MTMR12: variants seen among roughly 807,000 people sequenced by gnomAD.
MTMR12 encodes the protein myotubularin related protein 12, also known as myotubularin-related protein 12.
In MTMR12, 33 loss-of-function variants were observed where a neutral mutation model predicts 96.7. The observed-to-expected ratio is 0.34, with a 90% CI of 0.26 to 0.46. The LOEUF is 0.46. Among genes scored for constraint, MTMR12 ranks in the 20% least tolerant of loss-of-function variants. The pLI is 1.00. For synonymous variants in MTMR12, 298 were observed against 327.2 expected, an observed-to-expected ratio of 0.91 and a Z score of 0.96; for missense variants, 721 against 896.1, an observed-to-expected ratio of 0.80 and a Z score of 2.49.
At chr5:32,254,127 A>G (rs1195941607) in intron 8 of MTMR12, among the ~76,000 whole-genome samples, 1 of 151,962 alleles carries the variant, frequency 6.6e-6, no homozygotes, top group Admixed American at 6.6e-5. Flanking sequence ...TCTTTTCCAG[A>G]CCCCTCTATG....
chr5:32,234,585 T>C (rs1748132086), intron 14 of MTMR12, among the ~76,000 whole-genome samples: 1 of 152,156 alleles, frequency 6.6e-6, no homozygotes. Context: ...GCTTCAACAC[T>C]TGCTTCCAGT....
intron 6 of MTMR12, 78 bp downstream of exon 6, chr5:32,268,623 G>A: frequency 8.3e-7 from 1 of 1,202,388 alleles, no homozygotes; most frequent in Non-Finnish European, 1.2e-6. Context: ...ACCCATAGAT[G>A]TGTTCTCCCC....
chr5:32,277,030 C>T (rs1294148295), intron 1 of MTMR12, among the ~76,000 whole-genome samples: 20 of 151,782 alleles, frequency 1.3e-4, no homozygotes, highest in Admixed American at 6.6e-5. Flanking sequence ...GGACTACAGG[C>T]GTGTGCCACC....
At chr5:32,261,897 C>G (rs1279784706) in intron 7 of MTMR12, among the ~76,000 whole-genome samples, 1 of 152,128 alleles carries the variant, frequency 6.6e-6, no homozygotes, top group Non-Finnish European at 1.5e-5. Context: ...AGGGTGAAAC[C>G]CTGTCTCTAC....
chr5:32,312,879 G>T lies in MTMR12; in HGVS notation c.-41C>A, dbSNP rs564777018. ...AGCAGCGACGCGCGGACGCAGAGGC[G>T]GCGGCTCGGGCTCCAGCTGGGGCAG... On this transcript the variant is annotated 5_prime_UTR_variant, in exon 1 of 16. Coordinates refer to ENST00000382142, the MANE Select transcript of MTMR12 (RefSeq NM_001040446.3). The surrounding 1 kb of genome is among the most constrained non-coding windows in gnomAD (Gnocchi z 5.0). 3 of 1,496,520 alleles carry T rather than the reference G, an allele frequency of 2.0e-6. No homozygotes were observed. The South Asian group carries it at 3.7e-5, about 18-fold the overall frequency. 92.7% of individuals were successfully genotyped at this position (1,496,520 alleles called of 1,614,324 possible).
At chr5:32,242,214 G>T in intron 11 of MTMR12, 87 bp from the exon 12 acceptor site, 3 of 849,316 alleles carry the variant, frequency 3.5e-6, no homozygotes, top group Non-Finnish European at 3.6e-6. Context: ...AGTCTGACTT[G>T]ATCTTCAGTC....
intron 1 of MTMR12, among the ~76,000 whole-genome samples, chr5:32,295,956 C>T (rs1312857324): frequency 6.6e-6 from 1 of 151,952 alleles, no homozygotes; most frequent in Non-Finnish European, 1.5e-5. Flanking sequence ...GAGTTCGAGA[C>T]CGGCCTGGCC....
chr5:32,276,382 A>G (rs1750052693), intron 2 of MTMR12, among the ~76,000 whole-genome samples: 1 of 152,262 alleles, frequency 6.6e-6, no homozygotes, highest in Non-Finnish European at 1.5e-5. Flanking sequence ...ATACTGGAAG[A>G]GGCCATTAGA....
At chr5:32,311,971 C>T (rs1327489321) in intron 1 of MTMR12, among the ~76,000 whole-genome samples, 10 of 152,226 alleles carry the variant, frequency 6.6e-5, no homozygotes, top group East Asian at 1.9e-4. Flanking sequence ...TAATTCACCC[C>T]GTTTCTCCTT....
At chr5:32,283,739 G>C (rs1750402660) in intron 1 of MTMR12, among the ~76,000 whole-genome samples, 1 of 152,180 alleles carries the variant, frequency 6.6e-6, no homozygotes, top group South Asian at 2.1e-4. Flanking sequence ...GTTATAGAGA[G>C]GCCAAGGGAA....
chr5:32,283,079 C>T (rs909795521), intron 1 of MTMR12, among the ~76,000 whole-genome samples: 2 of 152,132 alleles, frequency 1.3e-5, no homozygotes, highest in African/African-American at 4.8e-5. Context: ...CCTGAAATTC[C>T]CCTATGTGCA....
In MTMR12 at chr5:32,274,038, A is replaced by G. The variant is rs1749948912; in HGVS notation, c.227T>C (p.Val76Ala). ...SCQHGVYGRL[V>A]CTDFKIAFLG... is the part of the protein sequence containing the mutation. Reference sequence around the variant, plus strand: ...GAAGGCAATCTTGAAGTCTGTGCAGACAAGCCTCCCATAGACCCCATGCTG... The same window carrying G: ...GAAGGCAATCTTGAAGTCTGTGCAGGCAAGCCTCCCATAGACCCCATGCTG... Residue 76 changes from valine (V) to alanine (A), a missense_variant, in exon 3 of 16, where the codon GTC becomes GCC. Coordinates refer to ENST00000382142, the MANE Select transcript of MTMR12 (RefSeq NM_001040446.3). 1 of 1,614,232 alleles carries G rather than the reference A, an allele frequency of 6.2e-7. No individual in the cohort carries two copies. Among genetic ancestry groups the G allele is most frequent in the Non-Finnish European group, 8.5e-7 (1 of 1,180,038 alleles).
intron 1 of MTMR12, among the ~76,000 whole-genome samples, chr5:32,308,419 T>C (rs1240162634): frequency 1.3e-5 from 2 of 151,904 alleles, no homozygotes; most frequent in Non-Finnish European, 2.9e-5. Flanking sequence ...GAGAGAACAG[T>C]TCAGAAGAGT....
In MTMR12 at chr5:32,312,799, T is replaced by C; in HGVS notation, c.40A>G (p.Lys14Glu). 1 of 1,533,468 alleles carries C rather than the reference T, an allele frequency of 6.5e-7. No individual in the cohort carries two copies. Among genetic ancestry groups the C allele is most frequent in the Non-Finnish European group, 8.7e-7 (1 of 1,143,254 alleles). 95.0% of individuals were successfully genotyped at this position (1,533,468 alleles called of 1,614,324 possible). Residue 14 changes from lysine to glutamate, a missense_variant, in exon 1 of 16, where the codon AAG becomes GAG. By Grantham distance (56) the Lys-to-Glu change is moderately conservative (BLOSUM62 1). Transcript: ENST00000382142. The surrounding 1 kb of genome is among the most constrained non-coding windows in gnomAD (Gnocchi z 5.0). The part of the protein sequence containing the change: ...KGVVGGGGGT[K>E]APKPSFVSYV... ...GACACGAAGGAGGGCTTGGGGGCCT[T>C]GGTGCCGCCGCCACCGCCGACTACT...
chr5:32,294,355 T>C (rs1260247219), intron 1 of MTMR12, among the ~76,000 whole-genome samples: 1 of 151,982 alleles, frequency 6.6e-6, no homozygotes, highest in East Asian at 1.9e-4. Flanking sequence ...CATGCAGGAG[T>C]TCAGTGGCAC....
intron 1 of MTMR12, among the ~76,000 whole-genome samples, chr5:32,287,915 T>A (rs1303075635): frequency 1.3e-5 from 2 of 152,110 alleles, no homozygotes; most frequent in African/African-American, 4.8e-5. Context: ...CTAAGTTCAG[T>A]GGACAAAGTG....
chr5:32,310,464 C>T (rs538078419), intron 1 of MTMR12, among the ~76,000 whole-genome samples: 3 of 152,170 alleles, frequency 2.0e-5, no homozygotes, highest in Non-Finnish European at 2.9e-5. Flanking sequence ...GAGTACTATT[C>T]AGCCATAAAA....
At chr5:32,274,249 T>G in intron 2 of MTMR12, 127 bp from the exon 3 acceptor site, 1 of 1,146,008 alleles carries the variant, frequency 8.7e-7, no homozygotes, top group Non-Finnish European at 1.2e-6. Context: ...TTTAGAACTT[T>G]ACACTTTTCA....
At chr5:32,302,642 G>A (rs535963700) in intron 1 of MTMR12, among the ~76,000 whole-genome samples, 19 of 151,954 alleles carry the variant, frequency 1.3e-4, no homozygotes, top group Admixed American at 1.0e-3. Flanking sequence ...GCTTGAACCC[G>A]GCAGGCGGAG....
Sources: allele counts gnomAD v4.1 joint callset (sites outside exome capture counted in the v4.1 genomes callset), GRCh38; gene constraint gnomAD v4.1.1; non-coding constraint Gnocchi (gnomAD v3.1); transcripts MANE v1.5; gene names NCBI Gene and HGNC (gene_info 2026-07-23, HGNC 2026-07-21).